RBMS3: variants seen among roughly 807,000 people sequenced by gnomAD.
RBMS3 encodes RNA-binding motif, single-stranded-interacting protein 3.
A neutral mutation model predicts 66.8 loss-of-function variants in RBMS3; 27 were observed. That is an observed-to-expected ratio of 0.40 (90% CI 0.30 to 0.56). The LOEUF (loss-of-function observed/expected upper bound fraction) is 0.56, where lower values mean the gene tolerates loss of function less well. RBMS3 is among the 20% of genes least tolerant of loss of function. The probability of loss-of-function intolerance (pLI) is 0.40; values close to 1 mark genes in which losing one functional copy is unlikely to be tolerated. For missense variants in RBMS3, 513 were observed against 549.5 expected, an observed-to-expected ratio of 0.93 and a Z score of 0.66; for synonymous variants, 188 against 183.0, an observed-to-expected ratio of 1.03 and a Z score of -0.22.
intron 6 of RBMS3, among the ~76,000 whole-genome samples, chr3:29,764,076 A>G (rs2055818550): frequency 6.6e-6 from 1 of 151,488 alleles, no homozygotes; most frequent in Non-Finnish European, 1.5e-5. Context: ...CATATACAAA[A>G]AGAGAAATAT....
chr3:29,930,109 C>CTTTCTTTCTTTTTTTTTTCTTTTTTTT (rs71091082), intron 10 of RBMS3, among the ~76,000 whole-genome samples: 2 of 43,556 alleles, frequency 4.6e-5, no homozygotes, highest in Non-Finnish European at 1.0e-4. Flanking sequence ...TTCTTTCTTT[C>CTTTCTTTCTTTTTTTTTTCTTTTTTTT]TTTTTTTTTT....
rs556321459 is a variant in RBMS3 at position 29,506,798 on chromosome 3, G to T, written c.307+18299G>T. On this transcript the variant is annotated intron_variant, in intron 3 of 14. Transcript: ENST00000383767. ...TCCATTACTTCATGGTTTAGTCTTGGTTTTTATGTTTTAGTTTTATGTGTC... is the reference window on the plus strand; with the variant it reads ...TCCATTACTTCATGGTTTAGTCTTGTTTTTTATGTTTTAGTTTTATGTGTC... 5.3e-5 allele frequency among the ~76,000 whole-genome samples: 8 copies of T among 151,650 alleles called. No individual in the cohort carries two copies. In the South Asian group the frequency reaches 1.5e-3, roughly 28 times the overall value.
chr3:29,969,284 C>T (rs1299966266), intron 12 of RBMS3, among the ~76,000 whole-genome samples: 1 of 152,124 alleles, frequency 6.6e-6, no homozygotes, highest in Non-Finnish European at 1.5e-5. Context: ...TAACTGATTT[C>T]GTCTCTTGCT....
chr3:29,841,263 A>G (rs1315372765), intron 6 of RBMS3, among the ~76,000 whole-genome samples: 1 of 151,874 alleles, frequency 6.6e-6, no homozygotes, highest in Non-Finnish European at 1.5e-5. Context: ...GTGCCTCACA[A>G]ATTTTTTTCT....
At chr3:29,353,559 C>T (rs963127653) in intron 1 of RBMS3, among the ~76,000 whole-genome samples, 1 of 151,842 alleles carries the variant, frequency 6.6e-6, no homozygotes, top group African/African-American at 2.4e-5. Context: ...TTCATTTTGC[C>T]ATCTGAAAGG....
chr3:29,618,468 T>C (rs927690719), intron 4 of RBMS3, among the ~76,000 whole-genome samples: 1 of 151,812 alleles, frequency 6.6e-6, no homozygotes, highest in African/African-American at 2.4e-5. Flanking sequence ...ATCGTACCAT[T>C]GTACTACAGC....
chr3:29,676,631 T>G (rs1050769017), intron 4 of RBMS3, among the ~76,000 whole-genome samples: 38 of 152,210 alleles, frequency 2.5e-4, no homozygotes, highest in African/African-American at 8.7e-4. Context: ...TCATTTTATA[T>G]AATGACTGTG....
At chr3:29,566,762 G>T (rs1326739193) in intron 3 of RBMS3, among the ~76,000 whole-genome samples, 1 of 152,050 alleles carries the variant, frequency 6.6e-6, no homozygotes, top group Admixed American at 6.6e-5. Flanking sequence ...GTGTGTGGAG[G>T]TGGCTGCAAA....
chr3:29,953,259 C>T (rs143667805), intron 12 of RBMS3, among the ~76,000 whole-genome samples: 3 of 151,934 alleles, frequency 2.0e-5, no homozygotes, highest in African/African-American at 7.2e-5. Context: ...GAAAGAAGGG[C>T]TCGAGCTGTC....
intron 4 of RBMS3, chr3:29,614,506 A>G (rs2048594307): frequency 6.6e-6 from 1 of 152,198 alleles, no homozygotes; most frequent in South Asian, 2.1e-4. Context: ...GGCAATGCAT[A>G]TATTAATTAG....
At chr3:29,505,598 T>C (rs1041855194) in intron 3 of RBMS3, among the ~76,000 whole-genome samples, 2 of 151,766 alleles carry the variant, frequency 1.3e-5, no homozygotes, top group Non-Finnish European at 2.9e-5. Flanking sequence ...TTTTAGGACT[T>C]TTTTTTATTT....
chr3:29,955,166 G>T (rs1321639997), intron 12 of RBMS3, among the ~76,000 whole-genome samples: 1 of 151,966 alleles, frequency 6.6e-6, no homozygotes, highest in Non-Finnish European at 1.5e-5. Context: ...ACTGGCCTCT[G>T]CTTGAGAGGA....
intron 8 of RBMS3, among the ~76,000 whole-genome samples, chr3:29,891,756 G>T (rs927333838): frequency 3.3e-5 from 5 of 151,336 alleles, no homozygotes; most frequent in African/African-American, 2.4e-5. Flanking sequence ...GTGGGCATTT[G>T]GTATTAAGCA....
At position 29,578,894 on chromosome 3, in the gene RBMS3, C is replaced by T. The variant is rs563601249; in HGVS notation, c.308-8220C>T. Among the ~76,000 whole-genome samples the T allele has an allele frequency of 9.4e-4, 127 of 134,744 alleles. 4 individuals carry two copies. The highest frequency in any genetic ancestry group is 1.5e-3 in the Non-Finnish European group (99 of 64,544). 88.4% of individuals were successfully genotyped at this position (134,744 alleles called of 152,430 possible). A position where few individuals can be genotyped will look rare whatever the true frequency, so the allele number is the denominator to read the frequency against. On this transcript the variant is annotated intron_variant, in intron 3 of 14. Coordinates refer to ENST00000383767, the MANE Select transcript of RBMS3 (RefSeq NM_001003793.3). ...TCGGCTCACTGCAAGCTCCGCTTCCCGGGTTCACGCCATTCTCCTGCCTCA... is the reference window on the plus strand; with the variant it reads ...TCGGCTCACTGCAAGCTCCGCTTCCTGGGTTCACGCCATTCTCCTGCCTCA...
intron 3 of RBMS3, among the ~76,000 whole-genome samples, chr3:29,558,961 A>G (rs978916218): frequency 6.6e-6 from 1 of 152,226 alleles, no homozygotes. Flanking sequence ...TCACTGAAAT[A>G]AACAGCCTTA....
In RBMS3 at chr3:29,281,484, T is replaced by TTA. The variant is rs1354722537; in HGVS notation, c.-197_-196insAT. 3.5e-6 allele frequency: 2 copies of TTA among 567,342 alleles called. No individual in the cohort carries two copies. The highest frequency in any genetic ancestry group is 3.9e-5 in the African/African-American group (2 of 51,422). 35.1% of individuals were successfully genotyped at this position (567,342 alleles called of 1,614,324 possible). On this transcript the variant is annotated 5_prime_UTR_variant, in exon 1 of 15. Coordinates refer to ENST00000383767, the MANE Select transcript of RBMS3 (RefSeq NM_001003793.3). ...GATCTCACTCCTCGCCCTTTTTTTTTTTCCTTTGGTGTGTGTTTTTTGTTT... is the reference window on the plus strand; with the variant it reads ...GATCTCACTCCTCGCCCTTTTTTTTTTATTCCTTTGGTGTGTGTTTTTTGTTT...
chr3:29,925,204 G>T (rs767159478), intron 10 of RBMS3: 2 of 152,096 alleles, frequency 1.3e-5, no homozygotes, highest in Non-Finnish European at 2.9e-5. Context: ...TAACAAGCGG[G>T]AATATTTTGG....
intron 14 of RBMS3, among the ~76,000 whole-genome samples, chr3:29,997,663 A>G (rs536016551): frequency 0.014 from 2,184 of 151,912 alleles, 60 homozygotes; most frequent in African/African-American, 0.05. Flanking sequence ...GCCAAAGACA[A>G]AAACCACATG....
chr3:29,832,435 C>G (rs1226466011), intron 6 of RBMS3, among the ~76,000 whole-genome samples: 3 of 152,150 alleles, frequency 2.0e-5, no homozygotes, highest in African/African-American at 7.2e-5. Flanking sequence ...GCCTGGGCAT[C>G]TAGCAGAAAA....
Sources: gnomAD v4.1 joint callset for allele counts (sites outside exome capture counted in the v4.1 genomes callset) on GRCh38, gnomAD v4.1.1 for gene constraint, MANE v1.5 for transcripts, NCBI Gene and HGNC (gene_info 2026-07-23, HGNC 2026-07-21) for gene names.